SLC10A7: variants seen among roughly 807,000 people sequenced by gnomAD.
The protein encoded by SLC10A7 is sodium/bile acid cotransporter 7.
A neutral mutation model predicts 43.2 loss-of-function variants in SLC10A7; 29 were observed. That is an observed-to-expected ratio of 0.67 (90% confidence interval 0.50 to 0.92). The LOEUF is 0.92. Among genes scored for constraint, SLC10A7 ranks in the 40% least tolerant of loss-of-function variants. The pLI is 0.00. For missense variants in SLC10A7, 295 were observed against 403.2 expected, an observed-to-expected ratio of 0.73 and a Z score of 2.30; for synonymous variants, 152 against 144.8, an observed-to-expected ratio of 1.05 and a Z score of -0.35.
At chr4:146,370,209 T>C (rs1188449258) in intron 5 of SLC10A7, among the ~76,000 whole-genome samples, 5 of 152,206 alleles carry the variant, frequency 3.3e-5, no homozygotes, top group Non-Finnish European at 7.3e-5. Flanking sequence ...AGAGGCTTGT[T>C]GTTCCAAGAA....
chr4:146,478,828 C>A (rs1241188898), intron 4 of SLC10A7, among the ~76,000 whole-genome samples: 1 of 152,022 alleles, frequency 6.6e-6, no homozygotes, highest in African/African-American at 2.4e-5. Flanking sequence ...ATGATATGAG[C>A]TTTAGAAATA....
At chr4:146,387,703 C>T (rs977113051) in intron 5 of SLC10A7, among the ~76,000 whole-genome samples, 1 of 152,110 alleles carries the variant, frequency 6.6e-6, no homozygotes, top group Admixed American at 6.5e-5. Context: ...ACAAAGGACC[C>T]CTAGCTTTGA....
intron 10 of SLC10A7, 133 bp from the exon 11 acceptor site, chr4:146,258,970 T>C: frequency 9.9e-7 from 1 of 1,009,922 alleles, no homozygotes; most frequent in Non-Finnish European, 1.4e-6. Context: ...AGAACTGAAA[T>C]GGGAAAGTCT....
intron 3 of SLC10A7, among the ~76,000 whole-genome samples, chr4:146,504,757 C>CATTTTA (rs1490937142): frequency 6.6e-6 from 1 of 152,122 alleles, no homozygotes; most frequent in Non-Finnish European, 1.5e-5. Context: ...TCACAAAAGA[C>CATTTTA]ATTTTAACAT....
chr4:146,353,161 G>T (rs1326624337), intron 5 of SLC10A7, among the ~76,000 whole-genome samples: 1 of 127,420 alleles, frequency 7.8e-6, no homozygotes, highest in Non-Finnish European at 1.7e-5. Flanking sequence ...AAGAAAAAAA[G>T]AGAGAAGAAT....
At position 146,521,473 on chromosome 4, in the gene SLC10A7, G is replaced by GA. The variant is rs1738650005; in HGVS notation, c.100+144dup. On this transcript the variant is annotated intron_variant, in intron 1 of 11. Coordinates refer to ENST00000335472, the MANE Select transcript of SLC10A7 (RefSeq NM_001029998.6). ...AGTTCCCTCTGGGGTTGGTAAATTA[G>GA]AAAATCAGCAAAAGGGCCAAAGGCT... 4.6e-6 allele frequency: 3 copies of GA among 650,204 alleles called. No homozygotes were observed. In the East Asian group the frequency reaches 8.5e-5, roughly 18 times the overall value. 40.3% of individuals were successfully genotyped at this position (650,204 alleles called of 1,614,324 possible).
At chr4:146,404,145 T>TA (rs1359299211) in intron 5 of SLC10A7, among the ~76,000 whole-genome samples, 1 of 152,098 alleles carries the variant, frequency 6.6e-6, no homozygotes, top group African/African-American at 2.4e-5. Flanking sequence ...GCCTCCTGAC[T>TA]AACTGGGGTG....
At chr4:146,470,337 A>G (rs2149961500) in intron 4 of SLC10A7, among the ~76,000 whole-genome samples, 1 of 151,872 alleles carries the variant, frequency 6.6e-6, no homozygotes, top group African/African-American at 2.4e-5. Context: ...ATTCTGAGAT[A>G]CAGATGCATA....
At chr4:146,345,737 C>T (rs1025394919) in intron 5 of SLC10A7, among the ~76,000 whole-genome samples, 4 of 151,982 alleles carry the variant, frequency 2.6e-5, no homozygotes, top group Non-Finnish European at 5.9e-5. Context: ...GGAAAGGGAC[C>T]ATGCTTATTT....
intron 2 of SLC10A7, chr4:146,515,134 A>C: frequency 1.4e-6 from 1 of 702,452 alleles, no homozygotes; most frequent in Non-Finnish European, 2.6e-6. Context: ...GCTTCGCAGA[A>C]TCGCATTAAG....
intron 5 of SLC10A7, among the ~76,000 whole-genome samples, chr4:146,430,281 T>A (rs1417108938): frequency 6.6e-6 from 1 of 151,900 alleles, no homozygotes; most frequent in East Asian, 1.9e-4. Flanking sequence ...AGTGGGTAAT[T>A]AAGAGCCACT....
chr4:146,355,460 C>T (rs2149753456), intron 5 of SLC10A7, among the ~76,000 whole-genome samples: 1 of 152,008 alleles, frequency 6.6e-6, no homozygotes, highest in South Asian at 2.1e-4. Flanking sequence ...ACTAGTTCAA[C>T]CATTGTGGAA....
chr4:146,467,893 T>A (rs1733193507), intron 4 of SLC10A7, among the ~76,000 whole-genome samples: 1 of 152,188 alleles, frequency 6.6e-6, no homozygotes, highest in African/African-American at 2.4e-5. Flanking sequence ...TTCAGCCTCC[T>A]GGATCTATGT....
chr4:146,325,535 G>C (rs1485961370), intron 6 of SLC10A7, among the ~76,000 whole-genome samples: 1 of 152,154 alleles, frequency 6.6e-6, no homozygotes, highest in Non-Finnish European at 1.5e-5. Flanking sequence ...CTTCCCCAAG[G>C]TGAGGAAGCT....
intron 7 of SLC10A7, among the ~76,000 whole-genome samples, chr4:146,303,489 T>A (rs1202602379): frequency 6.6e-6 from 1 of 151,742 alleles, no homozygotes; most frequent in East Asian, 1.9e-4. Context: ...GTGATTCTCC[T>A]GCACCAACCT....
intron 5 of SLC10A7, among the ~76,000 whole-genome samples, chr4:146,429,954 AC>A (rs1265970774): frequency 2.0e-5 from 3 of 152,164 alleles, no homozygotes; most frequent in African/African-American, 7.2e-5. Flanking sequence ...ATGCAAAGTA[AC>A]AAACCCCAAC....
intron 2 of SLC10A7, among the ~76,000 whole-genome samples, chr4:146,512,397 C>T (rs1276150728): frequency 2.0e-5 from 3 of 151,974 alleles, no homozygotes; most frequent in African/African-American, 7.3e-5. Flanking sequence ...AGGAATTTAT[C>T]CTAAAGATAT....
chr4:146,489,942 T>TA (rs963001763), intron 4 of SLC10A7, among the ~76,000 whole-genome samples: 1 of 152,048 alleles, frequency 6.6e-6, no homozygotes, highest in Admixed American at 6.5e-5. Flanking sequence ...TTTTTTTTTT[T>TA]ACCCTTTGAT....
In SLC10A7 at chr4:146,304,191, A is replaced by G. The variant is rs142213508; in HGVS notation, c.555+1735T>C. On this transcript the variant is annotated intron_variant, in intron 7 of 11. Transcript: ENST00000335472. ...ATAAGAATGACAAAGTAAACCCTAA[A>G]TATTCTAAGATAAACTTTAAGAGAT... 1.3e-3 allele frequency among the ~76,000 whole-genome samples: 93 copies of G among 72,124 alleles called. 1 individual carries two copies. Among genetic ancestry groups the G allele is most frequent in the Middle Eastern group, 0.011 (2 of 180 alleles). The allele number at this position is 72,124 out of a possible 152,430, so 47.3% of individuals were successfully genotyped here. A position where few individuals can be genotyped will look rare whatever the true frequency, so the allele number is the denominator to read the frequency against.
Sources: gnomAD v4.1 joint callset for allele counts (sites outside exome capture counted in the v4.1 genomes callset) on GRCh38, gnomAD v4.1.1 for gene constraint, MANE v1.5 for transcripts, NCBI Gene and HGNC (gene_info 2026-07-23, HGNC 2026-07-21) for gene names.